DGKI: variants seen among roughly 807,000 people sequenced by gnomAD.
The protein encoded by DGKI is diacylglycerol kinase iota, also known as DAG kinase iota.
In DGKI, 55 loss-of-function variants were observed where a neutral mutation model predicts 147.5. The ratio of observed to expected loss-of-function variants is 0.37; its 90% CI spans 0.30 to 0.47. The LOEUF (loss-of-function observed/expected upper bound fraction) is 0.47. Among genes scored for constraint, DGKI ranks in the 20% least tolerant of loss-of-function variants. The pLI is 1.00. For synonymous variants in DGKI, 469 were observed against 477.1 expected (o/e 0.98, Z 0.22); for missense variants, 1,007 against 1,323.8 (o/e 0.76, Z 3.71).
At chr7:137,745,649 T>G (rs1348303876) in intron 1 of DGKI, among the ~76,000 whole-genome samples, 1 of 152,168 alleles carries the variant, frequency 6.6e-6, no homozygotes, top group Non-Finnish European at 1.5e-5. Flanking sequence ...TGTGTTCAAG[T>G]AACCCTTGTT....
chr7:137,651,500 T>C (rs1029880930), intron 5 of DGKI, among the ~76,000 whole-genome samples: 12 of 152,196 alleles, frequency 7.9e-5, no homozygotes, highest in Admixed American at 3.9e-4. Flanking sequence ...TTTATGGTGA[T>C]GGAAATAGTC....
At chr7:137,392,821 G>A (rs1811414769) in intron 32 of DGKI, among the ~76,000 whole-genome samples, 1 of 149,464 alleles carries the variant, frequency 6.7e-6, no homozygotes, top group Non-Finnish European at 1.5e-5. Flanking sequence ...ACTCTAATAG[G>A]AGAAATTCTC....
chr7:137,446,317 T>C (rs1159651673), intron 27 of DGKI, among the ~76,000 whole-genome samples: 5 of 152,226 alleles, frequency 3.3e-5, no homozygotes, highest in Middle Eastern at 3.2e-3. Context: ...AAATTAGTCA[T>C]GTTGAGTTTC....
At chr7:137,416,334 A>G (rs1322887508) in intron 28 of DGKI, among the ~76,000 whole-genome samples, 1 of 152,208 alleles carries the variant, frequency 6.6e-6, no homozygotes, top group Non-Finnish European at 1.5e-5. Flanking sequence ...AAGCAGGTGA[A>G]GTTTAAGCTG....
chr7:137,667,027 G>A (rs535332907), intron 3 of DGKI, among the ~76,000 whole-genome samples: 32 of 151,932 alleles, frequency 2.1e-4, no homozygotes, highest in African/African-American at 2.9e-4. Context: ...AACCACAGCC[G>A]GTCACTAGTT....
chr7:137,609,870 A>G (rs1008697908), intron 8 of DGKI, among the ~76,000 whole-genome samples: 3 of 151,950 alleles, frequency 2.0e-5, no homozygotes, highest in Non-Finnish European at 4.4e-5. Context: ...ATAACAACAC[A>G]TGTTATACCT....
intron 21 of DGKI, among the ~76,000 whole-genome samples, chr7:137,500,210 C>T (rs1563055521): frequency 6.6e-6 from 1 of 151,972 alleles, no homozygotes; most frequent in East Asian, 1.9e-4. Flanking sequence ...CCCTAGCACC[C>T]TTCTATGGCT....
At chr7:137,635,968 G>A (rs563544752) in intron 6 of DGKI, among the ~76,000 whole-genome samples, 120 of 152,272 alleles carry the variant, frequency 7.9e-4, no homozygotes, top group African/African-American at 2.8e-3. Flanking sequence ...TTAAGCTACT[G>A]CTGCACCCAG....
intron 19 of DGKI, among the ~76,000 whole-genome samples, chr7:137,570,762 GTAGT>G (rs1192550181): frequency 6.6e-6 from 1 of 152,066 alleles, no homozygotes; most frequent in African/African-American, 2.4e-5. Context: ...GCTAATTTTT[GTAGT>G]TTTAGTAGAG....
intron 11 of DGKI, among the ~76,000 whole-genome samples, chr7:137,599,388 C>A (rs55951269): frequency 6.6e-6 from 1 of 151,788 alleles, no homozygotes; most frequent in African/African-American, 2.4e-5. Context: ...CACACACAAG[C>A]GCGCGCACAC....
Position 137,540,761 on chromosome 7 carries a change from C to CAAAAAAAAAA in DGKI, c.2147+11607_2147+11608insTTTTTTTTTT, listed in dbSNP as rs1563075671. Among the ~76,000 whole-genome samples the CAAAAAAAAAA allele has an allele frequency of 2.0e-4, 7 of 35,518 alleles. 1 individual carries two copies. The highest frequency in any genetic ancestry group is 8.9e-4 in the East Asian group (1 of 1,124). 23.3% of individuals were successfully genotyped at this position (35,518 alleles called of 152,430 possible). ...GGAAACAAACATTTTAAAAACCCCC[C>CAAAAAAAAAA]CAAAAAAAAAAAAAAAAAAAAAAAA... On this transcript the variant is annotated intron_variant, in intron 20 of 32. Transcript: ENST00000614521.
At position 137,618,151 on chromosome 7, in the gene DGKI, A is replaced by ATATATATATATTTTTTTTT; in HGVS notation, c.993+1672_993+1673insAAAAAAAAATATATATATA. On this transcript the variant is annotated intron_variant, in intron 8 of 32. Coordinates refer to ENST00000614521, the MANE Select transcript of DGKI (RefSeq NM_001321708.2). ...ACTATATATATATATATATATATAT[A>ATATATATATATTTTTTTTT]TTTTTTTTTTTTTACTCTATCATTC... is the stretch of plus-strand genomic sequence containing the variant. 4.4e-3 allele frequency among the ~76,000 whole-genome samples: 46 copies of ATATATATATATTTTTTTTT among 10,446 alleles called. 1 individual carries two copies. Among genetic ancestry groups the ATATATATATATTTTTTTTT allele is most frequent in the African/African-American group, 5.8e-3 (46 of 7,990 alleles). 6.9% of individuals were successfully genotyped at this position (10,446 alleles called of 152,430 possible). A position where few individuals can be genotyped will look rare whatever the true frequency, so the allele number is the denominator to read the frequency against.
intron 1 of DGKI, among the ~76,000 whole-genome samples, chr7:137,754,327 T>C (rs935797347): frequency 5.9e-5 from 9 of 152,074 alleles, no homozygotes; most frequent in African/African-American, 1.9e-4. Context: ...CTTAAGAGAA[T>C]AACAAAAATG....
chr7:137,490,199 T>C (rs1263860218), intron 21 of DGKI, among the ~76,000 whole-genome samples: 1 of 152,184 alleles, frequency 6.6e-6, no homozygotes, highest in Non-Finnish European at 1.5e-5. Context: ...CAATATGCAG[T>C]AGAAAGGATT....
At chr7:137,423,021 G>C (rs933070845) in intron 28 of DGKI, among the ~76,000 whole-genome samples, 4 of 152,316 alleles carry the variant, frequency 2.6e-5, no homozygotes, top group Admixed American at 2.6e-4. Context: ...AGCAATGCAA[G>C]AGATTTTTTT....
intron 1 of DGKI, among the ~76,000 whole-genome samples, chr7:137,703,716 C>A (rs1563158199): frequency 1.3e-5 from 2 of 152,064 alleles, no homozygotes; most frequent in African/African-American, 4.8e-5. Context: ...GCAGCAATGA[C>A]AATACTACAA....
Position 137,618,143 on chromosome 7 carries a change from A to AT in DGKI, c.993+1680dup, listed in dbSNP as rs1169978121. On this transcript the variant is annotated intron_variant, in intron 8 of 32. Transcript: ENST00000614521. ...TCTAAAATACTATATATATATATAT[A>AT]TATATATATTTTTTTTTTTTTACTC... Among the ~76,000 whole-genome samples the AT allele has an allele frequency of 1.8e-4, 2 of 10,846 alleles. 1 individual carries two copies. The highest frequency in any genetic ancestry group is 5.9e-4 in the African/African-American group (2 of 3,380). 7.1% of individuals were successfully genotyped at this position (10,846 alleles called of 152,430 possible). A position where few individuals can be genotyped will look rare whatever the true frequency, so the allele number is the denominator to read the frequency against.
At chr7:137,633,087 C>T (rs1821190213) in intron 6 of DGKI, among the ~76,000 whole-genome samples, 1 of 151,768 alleles carries the variant, frequency 6.6e-6, no homozygotes, top group African/African-American at 2.4e-5. Context: ...TGACGCATGC[C>T]CATAATCCCA....
chr7:137,678,440 T>C, intron 3 of DGKI, 117 bp downstream of exon 3: 2 of 937,298 alleles, frequency 2.1e-6, no homozygotes, highest in Non-Finnish European at 1.7e-6. Context: ...TCCGGAAAGT[T>C]TTCCATCTCA....
Sources: gnomAD v4.1 joint callset for allele counts (sites outside exome capture counted in the v4.1 genomes callset) on GRCh38, gnomAD v4.1.1 for gene constraint, MANE v1.5 for transcripts, NCBI Gene and HGNC (gene_info 2026-07-23, HGNC 2026-07-21) for gene names.